The following NF1 variants were observed in gnomAD, a reference collection of about 807,000 sequenced individuals.
NF1 encodes the protein neurofibromin.
NF1 carries 122 observed loss-of-function variants against 325.7 expected under a neutral mutation model. The ratio of observed to expected loss-of-function variants is 0.37; its 90% CI spans 0.32 to 0.44. The LOEUF (loss-of-function observed/expected upper bound fraction) is 0.44. Ranked by LOEUF, NF1 falls within the 20% of genes least tolerant of loss-of-function variation. NF1 has a pLI of 1.00. For missense variants in NF1, 2,140 were observed against 3,415.4 expected (o/e 0.63, Z 9.31); for synonymous variants, 1,091 against 1,186.0 (o/e 0.92, Z 1.65).
chr17:31,150,935 T>C (rs1045929599), intron 1 of NF1, among the ~76,000 whole-genome samples: 10 of 152,016 alleles, frequency 6.6e-5, no homozygotes, highest in South Asian at 2.1e-4. Flanking sequence ...CTAGGGAGGC[T>C]GAGGCAGGGG....
chr17:31,218,278 T>C (rs1266855527), intron 13 of NF1, among the ~76,000 whole-genome samples: 1 of 152,258 alleles, frequency 6.6e-6, no homozygotes, highest in Non-Finnish European at 1.5e-5. Flanking sequence ...CCTCATATTG[T>C]TGATGTAATT....
At chr17:31,097,801 A>T (rs1911896856) in intron 1 of NF1, among the ~76,000 whole-genome samples, 1 of 151,892 alleles carries the variant, frequency 6.6e-6, no homozygotes, top group African/African-American at 2.4e-5. Context: ...CATTCACGTG[A>T]TTCTCCTGCT....
chr17:31,233,348 A>AT (rs1288571427), intron 27 of NF1, 135 bp downstream of exon 27: 39 of 903,274 alleles, frequency 4.3e-5, no homozygotes, highest in Non-Finnish European at 6.9e-5. Context: ...TAGTTAGGTG[A>AT]TTTTTCAGCT....
At chr17:31,296,252 G>A (rs780832264) in intron 36 of NF1, 2 of 1,614,060 alleles carry the variant, frequency 1.2e-6, no homozygotes, top group Non-Finnish European at 1.7e-6. Flanking sequence ...ACATTGGAGA[G>A]GACAAATGCA....
intron 13 of NF1, among the ~76,000 whole-genome samples, chr17:31,217,643 G>A (rs1221604709): frequency 6.6e-6 from 1 of 151,934 alleles, no homozygotes; most frequent in Non-Finnish European, 1.5e-5. Context: ...ATGCTTCCAA[G>A]TTAAGAGAAA....
chr17:31,260,820 T>G (rs1407568966), intron 34 of NF1, among the ~76,000 whole-genome samples: 1 of 152,196 alleles, frequency 6.6e-6, no homozygotes, highest in Non-Finnish European at 1.5e-5. Flanking sequence ...GAAGTTCAGA[T>G]TAGCGTTGGC....
At chr17:31,325,750 G>T (rs2151537157) in intron 36 of NF1, 70 bp from the exon 37 acceptor site, 1 of 1,087,586 alleles carries the variant, frequency 9.2e-7, no homozygotes, top group South Asian at 1.3e-5. Flanking sequence ...AAATAAAATT[G>T]ATTAGTGGCA....
At chr17:31,232,497 T>C (rs1000071690) in intron 25 of NF1, among the ~76,000 whole-genome samples, 4 of 152,154 alleles carry the variant, frequency 2.6e-5, no homozygotes, top group Non-Finnish European at 4.4e-5. Context: ...TTATGAAAGG[T>C]ATACTAGGCT....
rs1288768926 is a variant in NF1, at chr17:31,181,781, G to A, written c.726G>A (p.Met242Ile). Residue 242 changes from methionine (M) to isoleucine (I), a missense_variant, in exon 7 of 58, where the codon ATG becomes ATA. Met to Ile is a conservative substitution (Grantham distance 10). Around this residue, in one of 10 missense-constraint regions of NF1, gnomAD observed 246 missense variants for 347.8 expected, o/e 0.71. Coordinates refer to ENST00000358273, the MANE Select transcript of NF1 (RefSeq NM_001042492.3). The stretch of plus-strand genomic sequence containing the variant: ...TGTACCAGATCCCACAGACTGATAT[G>A]GCTGGTAAGGATACGATTGATTTTT... ...TKLYQIPQTD[M>I]AECAEKLFDL... 6.3e-7 allele frequency: 1 copy of A among 1,598,514 alleles called. No homozygotes were observed. The highest frequency in any genetic ancestry group is 1.7e-5 in the Admixed American group (1 of 59,694).
At position 31,196,662 on chromosome 17, in the gene NF1, A is replaced by G. The variant is rs114121350; in HGVS notation, c.889-3760A>G. Among the ~76,000 whole-genome samples the G allele has an allele frequency of 7.0e-3, 1,064 of 152,070 alleles. 11 individuals are homozygous for G. The highest frequency in any genetic ancestry group is 0.024 in the Middle Eastern group (7 of 294). On this transcript the variant is annotated intron_variant, in intron 8 of 57. Transcript: ENST00000358273. ...TCCTATATTTTCTTATAGGAGTTTT[A>G]TAGCTTTACTGTTAAGTTTTGGTCT...
At chr17:31,202,998 A>G (rs193062583) in intron 11 of NF1, among the ~76,000 whole-genome samples, 2 of 152,344 alleles carry the variant, frequency 1.3e-5, no homozygotes, top group Non-Finnish European at 1.5e-5. Context: ...CTTTGCATAA[A>G]TGCTTAAAAT....
In NF1 at chr17:31,201,166, G is replaced by A. The variant is rs1322791959; in HGVS notation, c.1185+7G>A. On this transcript the variant is annotated splice_region_variant and intron_variant, in intron 10 of 57. Transcript: ENST00000358273. ...CAACAACCAACACTTTAAGGTGAGA[G>A]CATTGGTTTTTATCTAACTATATTT... 6 of 1,614,002 alleles carry A rather than the reference G, an allele frequency of 3.7e-6. No individual in the cohort carries two copies. The highest frequency in any genetic ancestry group is 3.3e-5 in the South Asian group (3 of 91,066).
chr17:31,229,496 CT>C (rs1222983560), intron 21 of NF1, 31 bp downstream of exon 21: 1 of 1,591,564 alleles, frequency 6.3e-7, no homozygotes. Context: ...TCACCTTTCT[CT>C]ATGAATAGAG....
chr17:31,263,290 A>G (rs2067727436), intron 35 of NF1, among the ~76,000 whole-genome samples: 1 of 152,096 alleles, frequency 6.6e-6, no homozygotes, highest in Non-Finnish European at 1.5e-5. Flanking sequence ...ATAATAAAAT[A>G]TTAACCAGGT....
intron 15 of NF1, 172 bp downstream of exon 15, chr17:31,222,101 A>G: frequency 7.7e-7 from 1 of 1,300,016 alleles, no homozygotes; most frequent in East Asian, 2.9e-5. Flanking sequence ...TTTAACTGTA[A>G]GAAAAGTATC....
At chr17:31,205,702 T>G (rs574361697) in intron 11 of NF1, among the ~76,000 whole-genome samples, 16 of 152,292 alleles carry the variant, frequency 1.1e-4, no homozygotes, top group Non-Finnish European at 2.2e-4. Flanking sequence ...ATAGGTTTAC[T>G]TAATAGTTTT....
chr17:31,207,360 A>G (rs1597690368), intron 12 of NF1, among the ~76,000 whole-genome samples: 1 of 152,132 alleles, frequency 6.6e-6, no homozygotes, highest in South Asian at 2.1e-4. Context: ...GTTAGGAGAT[A>G]ATTTAAACAG....
rs757780611 is a variant in NF1 at position 31,170,006 on chromosome 17, A to G, written c.586+9A>G. ...AAAACGACTCCTGAAGGGTAAGTTT[A>G]AATGTATAATATATCTGAAAAAAAT... On this transcript the variant is annotated intron_variant, in intron 5 of 57. Transcript: ENST00000358273. 1 of 1,556,448 alleles carries G rather than the reference A, an allele frequency of 6.4e-7. No homozygotes were observed. Among genetic ancestry groups the G allele is most frequent in the South Asian group, 1.1e-5 (1 of 89,806 alleles).
rs1567786804 is a variant in NF1 at position 31,095,324 on chromosome 17, G to T, written c.15G>T (p.Arg5Ser). 6.5e-7 allele frequency: 1 copy of T among 1,538,638 alleles called. No homozygotes were observed. The change falls in exon 1 of 58, where the codon AGG (arginine) becomes AGT (serine). Residue 5 changes from arginine (R) to serine (S), a missense_variant. Around this residue, in one of 10 missense-constraint regions of NF1, gnomAD observed 246 missense variants for 347.8 expected, o/e 0.71. Coordinates refer to ENST00000358273, the MANE Select transcript of NF1 (RefSeq NM_001042492.3). MAAHRPVEWVQAVVS... is the reference protein window; with the variant it reads MAAHSPVEWVQAVVS... ...GCGGGGAGGACATGGCCGCGCACAG[G>T]CCGGTGGAATGGGTCCAGGCCGTGG...
Sources: gnomAD v4.1 joint callset for allele counts (sites outside exome capture counted in the v4.1 genomes callset) on GRCh38, gnomAD v4.1.1 for gene constraint, gnomAD v4.1.1 regional missense constraint, MANE v1.5 for transcripts, NCBI Gene and HGNC (gene_info 2026-07-23, HGNC 2026-07-21) for gene names.